NDRG3: variants seen among roughly 807,000 people sequenced by gnomAD.
NDRG3 encodes the protein NDRG family member 3.
A neutral mutation model predicts 57.2 loss-of-function variants in NDRG3; 23 were observed. That is an observed-to-expected ratio of 0.40 (90% confidence interval 0.29 to 0.57). The LOEUF is 0.57. NDRG3 is among the 20% of genes least tolerant of loss of function. The pLI, the probability that NDRG3 is intolerant of heterozygous loss-of-function variation, is 0.42. For missense variants in NDRG3, 384 were observed against 457.3 expected, an observed-to-expected ratio of 0.84 and a Z score of 1.46; for synonymous variants, 132 against 162.6, an observed-to-expected ratio of 0.81 and a Z score of 1.43.
At chr20:36,738,924 G>A (rs1215113684) in intron 1 of NDRG3, among the ~76,000 whole-genome samples, 11 of 145,880 alleles carry the variant, frequency 7.5e-5, no homozygotes, top group Non-Finnish European at 1.5e-4. Context: ...AGGAGTTCAA[G>A]ACCAGTCTGG....
Position 36,665,100 on chromosome 20 carries a change from A to C in NDRG3, c.759-3T>G, listed in dbSNP as rs1387459369. The C allele has an allele frequency of 6.2e-7, 1 of 1,614,028 alleles. No individual in the cohort carries two copies. Among genetic ancestry groups the C allele is most frequent in the Admixed American group, 1.7e-5 (1 of 60,014 alleles). On this transcript the variant is annotated splice_polypyrimidine_tract_variant and splice_region_variant and intron_variant, in intron 11 of 15. Transcript: ENST00000349004. ...CTACCACCAGTAAAGTAGAACACCT[A>C]GGTAGGCAAAGTAAGAGGTGTCACT...
At chr20:36,689,224 C>T (rs77577909) in intron 3 of NDRG3, among the ~76,000 whole-genome samples, 4,294 of 152,116 alleles carry the variant, frequency 0.028, 243 homozygotes, top group African/African-American at 0.099. Context: ...TAAATGCATA[C>T]CAGAGAGATG....
In NDRG3 at chr20:36,684,385, TG is replaced by T. The variant is rs751509784; in HGVS notation, c.383+27del. 5.7e-6 allele frequency: 9 copies of T among 1,588,402 alleles called. No individual in the cohort carries two copies. In the South Asian group the frequency reaches 9.9e-5, roughly 18 times the overall value. ...TTCACCATAGAAAGTCAATAAAAAC[TG>T]CATGAAAGACTGCAGAATGAACCTA... On this transcript the variant is annotated intron_variant, in intron 6 of 15. Coordinates refer to ENST00000349004, the MANE Select transcript of NDRG3 (RefSeq NM_032013.4).
At chr20:36,680,721 T>C (rs1378444727) in intron 8 of NDRG3, 95 bp downstream of exon 8, 8 of 863,536 alleles carry the variant, frequency 9.3e-6, no homozygotes, top group Non-Finnish European at 1.5e-5. Context: ...CTTAACATTT[T>C]TACCCTTAAC....
At chr20:36,671,553 A>G (rs906695816) in intron 8 of NDRG3, among the ~76,000 whole-genome samples, 156 bp from the exon 9 acceptor site, 9 of 152,220 alleles carry the variant, frequency 5.9e-5, no homozygotes. Flanking sequence ...CTATAATCCC[A>G]GGACTTTGGG....
intron 1 of NDRG3, among the ~76,000 whole-genome samples, chr20:36,745,493 C>A (rs1568681200): frequency 6.6e-6 from 1 of 152,210 alleles, no homozygotes; most frequent in Non-Finnish European, 1.5e-5. Flanking sequence ...GGGCATGGCA[C>A]TTCACCTTTC....
intron 10 of NDRG3, 135 bp downstream of exon 10, chr20:36,666,154 G>A (rs944732985): frequency 1.5e-6 from 1 of 660,352 alleles, no homozygotes; most frequent in African/African-American, 1.8e-5. Context: ...CATGTTTCTA[G>A]AAAGCCAGAA....
Position 36,703,599 on chromosome 20 carries a change from G to A in NDRG3, c.93+3373C>T, listed in dbSNP as rs541915130. On this transcript the variant is annotated intron_variant, in intron 3 of 15. Coordinates refer to ENST00000349004, the MANE Select transcript of NDRG3 (RefSeq NM_032013.4). ...GCTGGGACTACAGGCGCATGCCATC[G>A]TGCCCAGCTAATTTTTTATTTTTTA... Among the ~76,000 whole-genome samples, 14 of 152,040 alleles carry A rather than the reference G, an allele frequency of 9.2e-5. No homozygotes were observed. In the South Asian group the frequency reaches 2.7e-3, roughly 29 times the overall value.
intron 8 of NDRG3, among the ~76,000 whole-genome samples, chr20:36,677,473 G>A (rs1170126611): frequency 6.6e-6 from 1 of 152,198 alleles, no homozygotes; most frequent in Non-Finnish European, 1.5e-5. Context: ...GTCCATAAAA[G>A]CCTTGGGCTC....
chr20:36,663,836 T>G (rs958255370), intron 12 of NDRG3, among the ~76,000 whole-genome samples: 5 of 151,880 alleles, frequency 3.3e-5, no homozygotes, highest in Admixed American at 3.3e-4. Flanking sequence ...TGAGACAGAG[T>G]CTTTCTCTGT....
chr20:36,688,501 T>C (rs1568643393), intron 4 of NDRG3, among the ~76,000 whole-genome samples, 178 bp downstream of exon 4: 2 of 152,162 alleles, frequency 1.3e-5, no homozygotes, highest in Admixed American at 1.3e-4. Flanking sequence ...ATCCCCAGAA[T>C]ACATTCCCCT....
chr20:36,659,308 C>T (rs1030301660), intron 13 of NDRG3, among the ~76,000 whole-genome samples: 1 of 152,026 alleles, frequency 6.6e-6, no homozygotes, highest in Non-Finnish European at 1.5e-5. Context: ...GTTGTAAATA[C>T]TCTTTGACAG....
chr20:36,671,842 T>G (rs558334904), intron 8 of NDRG3, among the ~76,000 whole-genome samples: 1 of 149,956 alleles, frequency 6.7e-6, no homozygotes, highest in African/African-American at 2.4e-5. Context: ...GTGTTATACA[T>G]TTCATGAGAT....
intron 2 of NDRG3, among the ~76,000 whole-genome samples, chr20:36,720,670 C>T (rs548550130): frequency 1.1e-4 from 16 of 152,232 alleles, no homozygotes; most frequent in South Asian, 6.2e-4. Flanking sequence ...CTGCAGCCTA[C>T]GCACATCACC....
chr20:36,680,513 G>C (rs1390792244), intron 8 of NDRG3, among the ~76,000 whole-genome samples: 1 of 150,930 alleles, frequency 6.6e-6, no homozygotes, highest in Non-Finnish European at 1.5e-5. Context: ...CAGTTTCTAT[G>C]ATTCCAATTT....
At chr20:36,684,849 CA>C (rs397962989) in intron 5 of NDRG3, among the ~76,000 whole-genome samples, 5,200 of 110,366 alleles carry the variant, frequency 0.047, 289 homozygotes, top group African/African-American at 0.15. Context: ...AACTCCGCCT[CA>C]AAAAAAAAAA....
intron 1 of NDRG3, among the ~76,000 whole-genome samples, chr20:36,740,620 G>T (rs1377292539): frequency 6.6e-6 from 1 of 152,188 alleles, no homozygotes; most frequent in Non-Finnish European, 1.5e-5. Flanking sequence ...GGGATTACAG[G>T]CGTGAGCCAC....
intron 12 of NDRG3, among the ~76,000 whole-genome samples, chr20:36,663,799 C>T (rs1294630024): frequency 1.3e-5 from 2 of 152,134 alleles, no homozygotes; most frequent in East Asian, 1.9e-4. Flanking sequence ...TCAACAGTAA[C>T]ATTATTTTTA....
At chr20:36,702,872 C>T (rs1004847044) in intron 3 of NDRG3, among the ~76,000 whole-genome samples, 14 of 151,846 alleles carry the variant, frequency 9.2e-5, no homozygotes, top group Admixed American at 3.3e-4. Context: ...TCAATAGAGA[C>T]GGGGTTTCTC....
Sources: gnomAD v4.1 joint callset for allele counts (sites outside exome capture counted in the v4.1 genomes callset) on GRCh38, gnomAD v4.1.1 for gene constraint, MANE v1.5 for transcripts, NCBI Gene and HGNC (gene_info 2026-07-23, HGNC 2026-07-21) for gene names.